Variants in EYA2 observed in about 807,000 individuals in gnomAD.
EYA2 encodes the protein EYA transcriptional coactivator and phosphatase 2.
EYA2 carries 31 observed loss-of-function variants against 69.2 expected under a neutral mutation model. The observed-to-expected ratio is 0.45, with a 90% confidence interval of 0.34 to 0.60. EYA2 has a LOEUF of 0.60. EYA2 is among the 20% of genes least tolerant of loss of function. The probability of loss-of-function intolerance (pLI) is 0.02; values close to 1 mark genes in which losing one functional copy is unlikely to be tolerated. For missense variants in EYA2, 622 were observed against 701.2 expected (o/e 0.89, Z 1.28); for synonymous variants, 257 against 279.4 (o/e 0.92, Z 0.80).
chr20:46,971,978 T>C (rs13043230), intron 1 of EYA2, among the ~76,000 whole-genome samples: 60,240 of 152,036 alleles, frequency 0.4, 12,613 homozygotes, highest in Non-Finnish European at 0.46. Context: ...CAGAGAAATA[T>C]GCAGTATATT....
At chr20:47,174,102 T>C (rs981480526) in intron 12 of EYA2, among the ~76,000 whole-genome samples, 12 of 152,336 alleles carry the variant, frequency 7.9e-5, no homozygotes, top group Admixed American at 2.0e-4. Context: ...CTGGGAGTCT[T>C]CCTGGTTGCC....
chr20:46,895,757 C>T (rs565085449), intron 1 of EYA2, among the ~76,000 whole-genome samples: 11 of 152,196 alleles, frequency 7.2e-5, no homozygotes, highest in Non-Finnish European at 1.6e-4. Flanking sequence ...GCCTGCCTCC[C>T]CCCCAGCAAT....
At chr20:47,023,470 C>T (rs2146383780) in intron 5 of EYA2, among the ~76,000 whole-genome samples, 1 of 152,130 alleles carries the variant, frequency 6.6e-6, no homozygotes, top group East Asian at 1.9e-4. Flanking sequence ...GGAAATTTTT[C>T]AGCCAATATT....
intron 4 of EYA2, among the ~76,000 whole-genome samples, chr20:47,014,264 A>G (rs920825263): frequency 4.6e-5 from 7 of 152,160 alleles, no homozygotes; most frequent in African/African-American, 1.4e-4. Flanking sequence ...CTGACTCACA[A>G]TCTATCTGTT....
At chr20:46,927,307 C>T (rs1029535408) in intron 1 of EYA2, among the ~76,000 whole-genome samples, 2 of 152,194 alleles carry the variant, frequency 1.3e-5, no homozygotes, top group African/African-American at 2.4e-5. Flanking sequence ...GACAGTGTGA[C>T]ATATGAGCCC....
At chr20:47,122,709 C>G (rs1355935724) in intron 9 of EYA2, among the ~76,000 whole-genome samples, 1 of 152,094 alleles carries the variant, frequency 6.6e-6, no homozygotes, top group Non-Finnish European at 1.5e-5. Context: ...AAACTACATC[C>G]ATCCTATGGG....
intron 1 of EYA2, among the ~76,000 whole-genome samples, chr20:46,943,486 C>T (rs940396788): frequency 6.6e-5 from 10 of 152,206 alleles, no homozygotes; most frequent in African/African-American, 2.4e-4. Flanking sequence ...ATACGCCAGC[C>T]TGAGGGCCTC....
intron 1 of EYA2, among the ~76,000 whole-genome samples, chr20:46,945,936 G>A (rs1337284264): frequency 2.6e-5 from 4 of 152,184 alleles, no homozygotes; most frequent in Non-Finnish European, 4.4e-5. Context: ...GCTGTCTCAC[G>A]CTGGCTTGCA....
intron 2 of EYA2, chr20:46,998,322 C>T (rs1026705289): frequency 2.6e-5 from 4 of 152,314 alleles, no homozygotes; most frequent in African/African-American, 9.6e-5. Flanking sequence ...CACGTTGTCG[C>T]TTGCAACTGT....
At chr20:46,973,873 A>T (rs534457801) in intron 1 of EYA2, among the ~76,000 whole-genome samples, 100 of 151,764 alleles carry the variant, frequency 6.6e-4, no homozygotes, top group South Asian at 4.4e-3. Flanking sequence ...AAACATTTTT[A>T]AAAAAACTCA....
intron 5 of EYA2, among the ~76,000 whole-genome samples, chr20:47,063,195 A>G (rs1029564288): frequency 1.3e-5 from 2 of 152,072 alleles, no homozygotes; most frequent in East Asian, 1.9e-4. Flanking sequence ...AGGAAACCCC[A>G]TAACCTTTAA....
At chr20:47,143,819 G>C (rs193059858) in intron 10 of EYA2, among the ~76,000 whole-genome samples, 75 of 152,286 alleles carry the variant, frequency 4.9e-4, no homozygotes, top group African/African-American at 1.6e-3. Context: ...GCTATGTCAT[G>C]AATAAGGGTA....
At chr20:46,929,152 CAAAAAAAAA>C (rs11329475) in intron 1 of EYA2, among the ~76,000 whole-genome samples, 8 of 98,334 alleles carry the variant, frequency 8.1e-5, no homozygotes, top group Non-Finnish European at 1.5e-4. Flanking sequence ...ATAAGTTGTG[CAAAAAAAAA>C]AAAAAAAAAA....
chr20:47,025,503 T>C (rs1984027996), intron 5 of EYA2, among the ~76,000 whole-genome samples: 1 of 152,250 alleles, frequency 6.6e-6, no homozygotes, highest in African/African-American at 2.4e-5. Context: ...AAAGAGCTTC[T>C]TCATTCTTTT....
At chr20:47,141,193 A>AACTCACAC (rs1257767741) in intron 9 of EYA2, among the ~76,000 whole-genome samples, 2 of 152,244 alleles carry the variant, frequency 1.3e-5, no homozygotes, top group African/African-American at 4.8e-5. Flanking sequence ...AATACTTATA[A>AACTCACAC]AGTGGCACAG....
intron 3 of EYA2, 149 bp downstream of exon 3, chr20:47,001,622 C>A: frequency 2.5e-6 from 2 of 801,404 alleles, no homozygotes; most frequent in Non-Finnish European, 4.1e-6. Flanking sequence ...TTGAGCAAGT[C>A]ACTCCACCTC....
chr20:47,149,688 C>CAAAAAAAAAAAAAAAAAA (rs59780173), intron 10 of EYA2, among the ~76,000 whole-genome samples: 1 of 102,704 alleles, frequency 9.7e-6, no homozygotes, highest in Non-Finnish European at 2.0e-5. Flanking sequence ...ACTAAAAATA[C>CAAAAAAAAAAAAAAAAAA]AAAAAAAAAA....
chr20:47,138,808 T>G (rs1190184617), intron 9 of EYA2, among the ~76,000 whole-genome samples: 2 of 152,178 alleles, frequency 1.3e-5, no homozygotes, highest in Non-Finnish European at 2.9e-5. Flanking sequence ...TGACCATCAC[T>G]TTTAATTCCT....
intron 9 of EYA2, among the ~76,000 whole-genome samples, chr20:47,114,614 A>AAATAAT (rs1416435458): frequency 1.3e-5 from 2 of 151,982 alleles, no homozygotes; most frequent in African/African-American, 2.4e-5. Context: ...AGACTCCTTC[A>AAATAAT]AATAATAATA....
Sources: gnomAD v4.1 joint callset for allele counts (sites outside exome capture counted in the v4.1 genomes callset) on GRCh38, gnomAD v4.1.1 for gene constraint, MANE v1.5 for transcripts, NCBI Gene and HGNC (gene_info 2026-07-23, HGNC 2026-07-21) for gene names.